ARSB: variants seen among roughly 807,000 people sequenced by gnomAD.
The protein encoded by ARSB is N-acetylgalactosamine-4-sulfatase.
In ARSB, 41 loss-of-function variants were observed where a neutral mutation model predicts 50.9. That is an observed-to-expected ratio of 0.81 (90% CI 0.63 to 1.04). The LOEUF is 1.04. ARSB is among the 50% of genes least tolerant of loss of function. ARSB has a pLI of 0.00. For synonymous variants in ARSB, 269 were observed against 284.8 expected (o/e 0.94, Z 0.56); for missense variants, 672 against 693.3 (o/e 0.97, Z 0.35).
intron 6 of ARSB, among the ~76,000 whole-genome samples, chr5:78,814,989 AG>A (rs1208456786): frequency 6.8e-6 from 1 of 147,656 alleles, no homozygotes; most frequent in Non-Finnish European, 1.5e-5. Context: ...TGAATATATA[AG>A]GGCACACAAA....
intron 4 of ARSB, among the ~76,000 whole-genome samples, chr5:78,944,462 G>C (rs750679323): frequency 5.3e-5 from 8 of 152,168 alleles, no homozygotes; most frequent in Non-Finnish European, 1.0e-4. Context: ...TTTTGGTGTG[G>C]ATGTCCTTTC....
At chr5:78,793,164 G>A (rs995406083) in intron 6 of ARSB, among the ~76,000 whole-genome samples, 13 of 152,110 alleles carry the variant, frequency 8.5e-5, no homozygotes, top group African/African-American at 2.9e-4. Flanking sequence ...CACTTATGAT[G>A]GTCTTTGCAC....
intron 6 of ARSB, among the ~76,000 whole-genome samples, chr5:78,807,076 T>G (rs917941948): frequency 6.6e-5 from 10 of 151,974 alleles, no homozygotes; most frequent in African/African-American, 2.4e-4. Flanking sequence ...GAGCATTCCG[T>G]GTTGGGGTGT....
intron 4 of ARSB, among the ~76,000 whole-genome samples, chr5:78,924,602 A>G (rs1561504903): frequency 6.6e-6 from 1 of 152,228 alleles, no homozygotes; most frequent in Non-Finnish European, 1.5e-5. Context: ...TGGACCTGGA[A>G]TCTTTTTGGT....
intron 1 of ARSB, among the ~76,000 whole-genome samples, 194 bp from the exon 2 acceptor site, chr5:78,969,386 G>T (rs1453580684): frequency 1.3e-5 from 2 of 152,126 alleles, no homozygotes; most frequent in East Asian, 3.8e-4. Context: ...AACAGGATTT[G>T]AAAGACAAAT....
intron 5 of ARSB, among the ~76,000 whole-genome samples, chr5:78,845,686 G>T (rs1319201223): frequency 2.0e-5 from 3 of 152,060 alleles, no homozygotes; most frequent in African/African-American, 2.4e-5. Flanking sequence ...CTTATTTTGA[G>T]AGGTGTCTAT....
intron 3 of ARSB, among the ~76,000 whole-genome samples, chr5:78,958,682 CTTAGA>C (rs1751841520): frequency 6.6e-6 from 1 of 151,842 alleles, no homozygotes; most frequent in African/African-American, 2.4e-5. Context: ...ACTTCTGTTT[CTTAGA>C]TTATAGAGTA....
intron 6 of ARSB, among the ~76,000 whole-genome samples, chr5:78,790,503 G>T (rs949880966): frequency 2.6e-5 from 4 of 152,164 alleles, no homozygotes. Context: ...TAGCAAGTGA[G>T]ATAAGACATA....
chr5:78,839,503 G>A (rs1343689198), intron 5 of ARSB, 77 bp from the exon 6 acceptor site: 3 of 1,333,534 alleles, frequency 2.2e-6, no homozygotes, highest in Admixed American at 3.5e-5. Context: ...TCCCTTCCTT[G>A]TACTTATAGG....
intron 5 of ARSB, among the ~76,000 whole-genome samples, chr5:78,858,347 C>G (rs1375519322): frequency 6.6e-6 from 1 of 152,092 alleles, no homozygotes; most frequent in African/African-American, 2.4e-5. Context: ...GAATTTACCC[C>G]AAATTTCACA....
At chr5:78,849,120 T>G (rs1338271072) in intron 5 of ARSB, among the ~76,000 whole-genome samples, 1 of 152,226 alleles carries the variant, frequency 6.6e-6, no homozygotes, top group East Asian at 1.9e-4. Context: ...TTTTGGTGTT[T>G]TAGACATGAA....
intron 2 of ARSB, among the ~76,000 whole-genome samples, chr5:78,968,595 T>A (rs1752312766): frequency 6.6e-6 from 1 of 152,076 alleles, no homozygotes; most frequent in Non-Finnish European, 1.5e-5. Flanking sequence ...GTGATCCGCC[T>A]GCTTCGGCCT....
At chr5:78,976,003 T>C (rs1336646419) in intron 1 of ARSB, among the ~76,000 whole-genome samples, 4 of 152,216 alleles carry the variant, frequency 2.6e-5, no homozygotes, top group East Asian at 1.9e-4. Flanking sequence ...CTAAATGCAG[T>C]ACACAAATTC....
intron 4 of ARSB, among the ~76,000 whole-genome samples, chr5:78,917,063 G>A (rs1358981465): frequency 1.3e-5 from 2 of 152,198 alleles, no homozygotes; most frequent in Non-Finnish European, 2.9e-5. Context: ...GAGGGAAAAG[G>A]GAGAGGGTGC....
chr5:78,877,065 T>A (rs966029944), intron 5 of ARSB, among the ~76,000 whole-genome samples: 4 of 152,112 alleles, frequency 2.6e-5, no homozygotes, highest in African/African-American at 7.2e-5. Context: ...TGGGGACCAT[T>A]GTCTTAGAAA....
intron 4 of ARSB, among the ~76,000 whole-genome samples, chr5:78,944,997 C>T (rs1751149944): frequency 1.3e-5 from 2 of 152,152 alleles, no homozygotes; most frequent in Non-Finnish European, 2.9e-5. Context: ...CTCCCCCATC[C>T]TCGCTGCCAC....
chr5:78,794,312 T>C (rs934490098), intron 6 of ARSB, among the ~76,000 whole-genome samples: 2 of 152,028 alleles, frequency 1.3e-5, no homozygotes, highest in African/African-American at 2.4e-5. Context: ...TTCTAATTCA[T>C]ATATCATTTT....
rs1329260400 is a variant in ARSB at position 78,955,277 on chromosome 5, T to C, written c.898+18A>G. 6.2e-6 allele frequency: 10 copies of C among 1,613,014 alleles called. No individual in the cohort carries two copies. The highest frequency in any genetic ancestry group is 1.7e-5 in the Admixed American group (1 of 60,002). ...CCTAGGCTTTGCCAAGAGATGATTT[T>C]CCTATTGACAGACTTACCTGTAGAA... On this transcript the variant is annotated intron_variant, in intron 4 of 7. Coordinates refer to ENST00000264914, the MANE Select transcript of ARSB (RefSeq NM_000046.5).
intron 4 of ARSB, 48 bp from the exon 5 acceptor site, chr5:78,885,875 T>G (rs1181525222): frequency 1.2e-6 from 2 of 1,613,864 alleles, no homozygotes; most frequent in Non-Finnish European, 1.7e-6. Context: ...AACTCTTAAA[T>G]ACATTTAAGA....
Sources: gnomAD v4.1 joint callset for allele counts (sites outside exome capture counted in the v4.1 genomes callset) on GRCh38, gnomAD v4.1.1 for gene constraint, MANE v1.5 for transcripts, NCBI Gene and HGNC (gene_info 2026-07-23, HGNC 2026-07-21) for gene names.